SYNE1: variants seen among roughly 807,000 people sequenced by gnomAD.
SYNE1 encodes the protein spectrin repeat containing nuclear envelope protein 1, also known as nesprin-1.
SYNE1 carries 616 observed loss-of-function variants against 1,111.0 expected under a neutral mutation model. The observed-to-expected ratio is 0.55, with a 90% CI of 0.52 to 0.59. The LOEUF (loss-of-function observed/expected upper bound fraction) is 0.59, where lower values mean the gene tolerates loss of function less well. SYNE1 is among the 20% of genes least tolerant of loss of function. The pLI is 0.00. For missense variants in SYNE1, 10,006 were observed against 10,417.0 expected, an observed-to-expected ratio of 0.96 and a Z score of 1.72; for synonymous variants, 3,855 against 3,825.8, an observed-to-expected ratio of 1.01 and a Z score of -0.28.
At chr6:152,484,739 G>C in intron 13 of SYNE1, 96 bp downstream of exon 13, 1 of 1,335,970 alleles carries the variant, frequency 7.5e-7, no homozygotes, top group East Asian at 2.4e-5. Flanking sequence ...AGAGGCAGTA[G>C]AACCTGTTGC....
At chr6:152,617,547 A>G (rs942242347) in intron 3 of SYNE1, among the ~76,000 whole-genome samples, 19 of 152,334 alleles carry the variant, frequency 1.2e-4, no homozygotes, top group African/African-American at 4.6e-4. Flanking sequence ...TGAATGTATG[A>G]TTGAATAAAC....
chr6:152,593,483 G>A (rs920945411), intron 3 of SYNE1, among the ~76,000 whole-genome samples: 17 of 152,204 alleles, frequency 1.1e-4, no homozygotes, highest in Admixed American at 1.1e-3. Context: ...TCGGAAGGCT[G>A]AGGCAGGAGA....
At chr6:152,247,163 G>C (rs2153581385) in intron 105 of SYNE1, among the ~76,000 whole-genome samples, 1 of 152,232 alleles carries the variant, frequency 6.6e-6, no homozygotes, top group African/African-American at 2.4e-5. Context: ...AGGTTTATGA[G>C]GCAAGAGAAC....
chr6:152,408,995 C>G, intron 44 of SYNE1, 73 bp downstream of exon 44: 3 of 1,423,194 alleles, frequency 2.1e-6, no homozygotes, highest in South Asian at 2.4e-5. Flanking sequence ...CCTTGAATAA[C>G]GCTTTGTCCA....
In SYNE1 at chr6:152,244,546, G is replaced by C. The variant is rs1463559492; in HGVS notation, c.19683C>G (p.Ser6561=). 2.5e-6 allele frequency: 4 copies of C among 1,613,924 alleles called. No individual in the cohort carries two copies. The highest frequency in any genetic ancestry group is 3.4e-6 in the Non-Finnish European group (4 of 1,179,954). The change falls in exon 106 of 146, where the codon TCC becomes TCG. Residue 6561 remains serine (S), a synonymous_variant. Transcript: ENST00000367255. ...TGGCTGAAGGCTGCACCTGGAGCTT[G>C]GAGAGTTCTTGCATGGACGGCTGCT... ...QVEQPSMQEL[S]KLQDMYDELM... is the part of the protein sequence containing the mutation.
chr6:152,300,495 T>C (rs958644187), intron 93 of SYNE1, 146 bp downstream of exon 93: 3 of 1,179,870 alleles, frequency 2.5e-6, no homozygotes, highest in Admixed American at 1.9e-5. Context: ...CAATCATAGT[T>C]TGTGCAACTA....
Position 152,450,524 on chromosome 6 carries a change from GC to G in SYNE1, c.3395+100del, listed in dbSNP as rs1188919510. On this transcript the variant is annotated intron_variant, in intron 27 of 145. Transcript: ENST00000367255. ...GAAGGATTTTTGTACGAGAACATGA[GC>G]AAGAAATATGAAATAAGTTATTTCT... The G allele has an allele frequency of 1.5e-5, 17 of 1,119,606 alleles. No individual in the cohort carries two copies. The Admixed American group carries it at 2.4e-4, about 16-fold the overall frequency. The allele number at this position is 1,119,606 out of a possible 1,614,324, so 69.4% of individuals were successfully genotyped here.
chr6:152,373,444 T>C (rs1591386449), intron 58 of SYNE1, among the ~76,000 whole-genome samples: 1 of 152,206 alleles, frequency 6.6e-6, no homozygotes, highest in Non-Finnish European at 1.5e-5. Context: ...CACACCCAGA[T>C]AATTTTTTTG....
intron 128 of SYNE1, chr6:152,185,437 T>C (rs970804342): frequency 2.0e-5 from 3 of 152,196 alleles, no homozygotes; most frequent in African/African-American, 7.2e-5. Flanking sequence ...GCTCATTTCC[T>C]TTTGTGGTTT....
chr6:152,598,964 T>A (rs1256830871), intron 3 of SYNE1, among the ~76,000 whole-genome samples: 1 of 152,220 alleles, frequency 6.6e-6, no homozygotes, highest in Non-Finnish European at 1.5e-5. Context: ...TGTTATTATC[T>A]TTCTTAATAG....
At chr6:152,625,970 C>T (rs1431832864) in intron 3 of SYNE1, among the ~76,000 whole-genome samples, 1 of 152,128 alleles carries the variant, frequency 6.6e-6, no homozygotes, top group Non-Finnish European at 1.5e-5. Flanking sequence ...AAATGGGGCA[C>T]CTAGACACGT....
intron 100 of SYNE1, among the ~76,000 whole-genome samples, chr6:152,266,911 T>A (rs565982972): frequency 3.9e-4 from 60 of 152,298 alleles, no homozygotes; most frequent in Admixed American, 1.2e-3. Context: ...AAAGTTTAAT[T>A]CCTATGTCGT....
intron 127 of SYNE1, among the ~76,000 whole-genome samples, chr6:152,198,198 TG>T (rs2074581910): frequency 6.6e-6 from 1 of 152,204 alleles, no homozygotes; most frequent in African/African-American, 2.4e-5. Flanking sequence ...TGCACTTTTA[TG>T]TTATGGAGAT....
At chr6:152,624,692 T>C (rs1024138963) in intron 3 of SYNE1, among the ~76,000 whole-genome samples, 1 of 152,202 alleles carries the variant, frequency 6.6e-6, no homozygotes, top group South Asian at 2.1e-4. Flanking sequence ...AAACTCTGCA[T>C]TGCAGTCTGA....
At chr6:152,232,775 T>C (rs976648599) in intron 112 of SYNE1, among the ~76,000 whole-genome samples, 1 of 152,214 alleles carries the variant, frequency 6.6e-6, no homozygotes, top group African/African-American at 2.4e-5. Flanking sequence ...ATACACTACT[T>C]ACAATTCGAA....
chr6:152,313,466 T>C (rs79224158), intron 87 of SYNE1, among the ~76,000 whole-genome samples: 1 of 92,108 alleles, frequency 1.1e-5, no homozygotes, highest in South Asian at 2.5e-4. Flanking sequence ...TTTCTTTTCT[T>C]TTTTTTTTTT....
intron 3 of SYNE1, among the ~76,000 whole-genome samples, chr6:152,579,606 T>A (rs1201966175): frequency 6.6e-6 from 1 of 152,160 alleles, no homozygotes; most frequent in East Asian, 1.9e-4. Context: ...CTATACAGAT[T>A]ATTTTGTCAC....
chr6:152,273,725 C>A (rs139809759), intron 98 of SYNE1, among the ~76,000 whole-genome samples: 1 of 152,214 alleles, frequency 6.6e-6, no homozygotes, highest in East Asian at 1.9e-4. Context: ...TCCAGCAATG[C>A]CACTTGTAAA....
chr6:152,526,014 C>A (rs1423550570), intron 5 of SYNE1, 66 bp downstream of exon 5: 4 of 1,479,392 alleles, frequency 2.7e-6, no homozygotes, highest in African/African-American at 2.8e-5. Flanking sequence ...GCACTCTCAA[C>A]TCCATAGTCC....
Sources: gnomAD v4.1 joint callset for allele counts (sites outside exome capture counted in the v4.1 genomes callset) on GRCh38, gnomAD v4.1.1 for gene constraint, MANE v1.5 for transcripts, NCBI Gene and HGNC (gene_info 2026-07-23, HGNC 2026-07-21) for gene names.